FRK: variants seen among roughly 807,000 people sequenced by gnomAD.
FRK encodes the protein tyrosine-protein kinase FRK.
A neutral mutation model predicts 56.4 loss-of-function variants in FRK; 51 were observed. That is an observed-to-expected ratio of 0.90 (90% CI 0.72 to 1.14). The LOEUF (loss-of-function observed/expected upper bound fraction) is 1.14. FRK is among the 50% of genes most tolerant of loss of function. FRK has a pLI of 0.00. For missense variants in FRK, 570 were observed against 601.4 expected (o/e 0.95, Z 0.55); for synonymous variants, 245 against 217.9 (o/e 1.12, Z -1.10).
intron 1 of FRK, among the ~76,000 whole-genome samples, chr6:116,050,895 A>G (rs1777154217): frequency 6.6e-6 from 1 of 152,214 alleles, no homozygotes; most frequent in South Asian, 2.1e-4. Flanking sequence ...AGGAGTATCC[A>G]GAAATTATTC....
chr6:115,942,165 A>G lies in FRK; in HGVS notation c.*249T>C, dbSNP rs1389365994. 1 of 356,808 alleles carries G rather than the reference A, an allele frequency of 2.8e-6. No homozygotes were observed. Among genetic ancestry groups the G allele is most frequent in the African/African-American group, 2.1e-5 (1 of 47,366 alleles). 22.1% of individuals were successfully genotyped at this position (356,808 alleles called of 1,614,324 possible). On this transcript the variant is annotated 3_prime_UTR_variant, in exon 8 of 8. Coordinates refer to ENST00000606080, the MANE Select transcript of FRK (RefSeq NM_002031.3). ...ATGTAAGTATCTCTTAAAAAGAAAA[A>G]TAACTTGGTTTAGTGTGCTTAATTT...
rs543903648 is a variant in FRK, at chr6:115,938,680, A to G, written c.*3734T>C. On this transcript the variant is annotated 3_prime_UTR_variant, in exon 8 of 8. Transcript: ENST00000606080. ...ACAGAAATACAAAATACCATCAGAG[A>G]TTACTATAAATACCTCTAAGCAAAT... The G allele has an allele frequency of 2.1e-4, 32 of 152,348 alleles. No homozygotes were observed. Among genetic ancestry groups the G allele is most frequent in the African/African-American group, 7.7e-4 (32 of 41,578 alleles). The allele number at this position is 152,348 out of a possible 1,614,324, so 9.4% of individuals were successfully genotyped here.
intron 2 of FRK, among the ~76,000 whole-genome samples, chr6:115,995,142 A>G (rs1774787871): frequency 6.6e-6 from 1 of 152,176 alleles, no homozygotes; most frequent in Admixed American, 6.6e-5. Flanking sequence ...GTGTGAGAGT[A>G]TCTACCCAGA....
intron 2 of FRK, among the ~76,000 whole-genome samples, chr6:116,000,207 G>GAA (rs760519737): frequency 1.1e-4 from 13 of 121,348 alleles, no homozygotes; most frequent in Non-Finnish European, 2.1e-4. Context: ...TTTTCCTCAT[G>GAA]AAAATATCAT....
At chr6:116,026,062 G>A (rs1236597117) in intron 1 of FRK, among the ~76,000 whole-genome samples, 1 of 152,050 alleles carries the variant, frequency 6.6e-6, no homozygotes, top group Non-Finnish European at 1.5e-5. Flanking sequence ...CATTTCAATT[G>A]GATTCTACCA....
chr6:115,982,902 T>A (rs1024911296), intron 2 of FRK, among the ~76,000 whole-genome samples: 3 of 151,938 alleles, frequency 2.0e-5, no homozygotes, highest in African/African-American at 7.3e-5. Flanking sequence ...TGAAAACCCA[T>A]CTCTACTAAA....
rs571661531 is a variant in FRK at position 116,040,974 on chromosome 6, C to T, written c.344+18994G>A. On this transcript the variant is annotated intron_variant, in intron 1 of 7. Transcript: ENST00000606080. ...ATGCTTTAAAAGATGGTAGAAATTT[C>T]CTTAAGCACCAAAATTTTCAAAAGT... Among the ~76,000 whole-genome samples, 5 of 152,126 alleles carry T rather than the reference C, an allele frequency of 3.3e-5. 1 individual carries two copies. In the South Asian group the frequency reaches 1.0e-3, roughly 32 times the overall value.
At chr6:116,033,971 G>C (rs1316687549) in intron 1 of FRK, among the ~76,000 whole-genome samples, 1 of 152,090 alleles carries the variant, frequency 6.6e-6, no homozygotes, top group African/African-American at 2.4e-5. Context: ...AAAGCAATGT[G>C]TCTGGAAATG....
At chr6:116,071,855 T>C in the FRK span, among the ~76,000 whole-genome samples, 3 of 152,110 alleles carry the variant, frequency 2.0e-5, no homozygotes, top group Non-Finnish European at 4.4e-5. Flanking sequence ...TGTGACCAGA[T>C]AAATATTGTC....
chr6:116,039,409 GC>G, intron 1 of FRK: 1 of 1,573,574 alleles, frequency 6.4e-7, no homozygotes, highest in Non-Finnish European at 8.7e-7. Flanking sequence ...CAAGGAGCTG[GC>G]CAGCCAGCCT....
At chr6:116,014,554 CA>C (rs1232303540) in intron 1 of FRK, among the ~76,000 whole-genome samples, 1 of 146,228 alleles carries the variant, frequency 6.8e-6, no homozygotes, top group African/African-American at 2.5e-5. Context: ...CAGCAGTGGT[CA>C]GGGAAAAAAA....
At chr6:116,030,307 C>T (rs1238701472) in intron 1 of FRK, among the ~76,000 whole-genome samples, 3 of 152,116 alleles carry the variant, frequency 2.0e-5, no homozygotes, top group Non-Finnish European at 2.9e-5. Flanking sequence ...CCTGACCACT[C>T]GTGGTTTTGC....
intron 1 of FRK, among the ~76,000 whole-genome samples, chr6:116,054,047 GTAGT>G (rs1201081349): frequency 6.6e-6 from 1 of 151,550 alleles, no homozygotes; most frequent in Admixed American, 6.6e-5. Flanking sequence ...TTCTAATTTA[GTAGT>G]TAATTATTTT....
intron 1 of FRK, among the ~76,000 whole-genome samples, chr6:116,048,462 G>A (rs908513710): frequency 1.3e-5 from 2 of 152,102 alleles, no homozygotes; most frequent in Non-Finnish European, 1.5e-5. Flanking sequence ...GCCAGCTCAC[G>A]GTAACCTTGA....
chr6:115,967,713 C>CCTGGAT lies in FRK; in HGVS notation c.631_636dup (p.Ile211_Gln212dup). ...TACGACAAATCAAATGGAGCTGGGA[C>CCTGGAT]CTGGATCTGTTTCATAGAATAATAA... On this transcript the variant is annotated inframe_insertion, in exon 4 of 8. Coordinates refer to ENST00000606080, the MANE Select transcript of FRK (RefSeq NM_002031.3). 1.1e-5 allele frequency: 17 copies of CCTGGAT among 1,594,954 alleles called. No homozygotes were observed. Among genetic ancestry groups the CCTGGAT allele is most frequent in the Non-Finnish European group, 1.4e-5 (16 of 1,169,504 alleles).
chr6:116,012,026 T>C (rs1377824826), intron 1 of FRK, among the ~76,000 whole-genome samples: 1 of 152,192 alleles, frequency 6.6e-6, no homozygotes. Flanking sequence ...CATTCCTTCC[T>C]TTCCATTTCC....
intron 1 of FRK, 88 bp from the exon 2 acceptor site, chr6:116,004,086 T>C (rs1418430259): frequency 1.7e-6 from 2 of 1,174,154 alleles, no homozygotes; most frequent in Non-Finnish European, 2.4e-6. Context: ...TATTCTAATA[T>C]CAAAAATGTT....
chr6:116,084,856 A>G, the FRK span, among the ~76,000 whole-genome samples: 5 of 152,230 alleles, frequency 3.3e-5, no homozygotes, highest in African/African-American at 1.2e-4. Context: ...AAGTGATTAT[A>G]ATGATTCTCT....
intron 6 of FRK, among the ~76,000 whole-genome samples, chr6:115,943,508 A>AG (rs1225192241): frequency 6.7e-6 from 1 of 150,244 alleles, no homozygotes; most frequent in East Asian, 2.0e-4. Context: ...AAAAAAAAAA[A>AG]GGAAGCAAAG....
Sources: gnomAD v4.1 joint callset for allele counts (sites outside exome capture counted in the v4.1 genomes callset) on GRCh38, gnomAD v4.1.1 for gene constraint, MANE v1.5 for transcripts, NCBI Gene and HGNC (gene_info 2026-07-23, HGNC 2026-07-21) for gene names.